Variants in VSTM1 observed in about 807,000 individuals in gnomAD.
VSTM1 encodes V-set and transmembrane domain-containing protein 1.
Under a neutral mutation model 33.1 loss-of-function variants are expected in VSTM1, and 27 were observed. The ratio of observed to expected loss-of-function variants is 0.82; its 90% CI spans 0.60 to 1.12. The LOEUF (loss-of-function observed/expected upper bound fraction) is 1.12, where lower values mean the gene tolerates loss of function less well. Ranked by LOEUF, VSTM1 falls within the 50% of genes most tolerant of loss-of-function variation. VSTM1 has a pLI of 0.00. For synonymous variants in VSTM1, 115 were observed against 110.3 expected, an observed-to-expected ratio of 1.04 and a Z score of -0.27; for missense variants, 304 against 288.9, an observed-to-expected ratio of 1.05 and a Z score of -0.38.
chr19:54,053,835 T>C (rs1212680764), intron 3 of VSTM1, among the ~76,000 whole-genome samples: 1 of 142,546 alleles, frequency 7.0e-6, no homozygotes, highest in African/African-American at 2.6e-5. Flanking sequence ...CCATCTATAA[T>C]GTGTTTTTTA....
intron 4 of VSTM1, 121 bp from the exon 5 acceptor site, chr19:54,042,490 C>G: frequency 2.1e-6 from 3 of 1,405,418 alleles, no homozygotes; most frequent in Non-Finnish European, 2.8e-6. Flanking sequence ...GATCTCCCAC[C>G]TCGGAGCTGG....
At chr19:54,041,242 C>G (rs2070246665) in intron 8 of VSTM1, among the ~76,000 whole-genome samples, 162 bp from the exon 9 acceptor site, 1 of 152,038 alleles carries the variant, frequency 6.6e-6, no homozygotes, top group African/African-American at 2.4e-5. Flanking sequence ...TTTTTATAAC[C>G]CTTTATGCCT....
chr19:54,042,378 G>C lies in VSTM1; in HGVS notation c.395-9C>G. On this transcript the variant is annotated splice_polypyrimidine_tract_variant and intron_variant, in intron 4 of 8. Coordinates refer to ENST00000338372, the MANE Select transcript of VSTM1 (RefSeq NM_198481.4). ...AAAGATGGTTCTGGTGTCTGGAGGGGGAAGAGCAGGTCAGGGAATCAGCCT... is the reference window on the plus strand; with the variant it reads ...AAAGATGGTTCTGGTGTCTGGAGGGCGAAGAGCAGGTCAGGGAATCAGCCT... 6.2e-7 allele frequency: 1 copy of C among 1,612,440 alleles called. No individual in the cohort carries two copies. The highest frequency in any genetic ancestry group is 1.3e-5 in the African/African-American group (1 of 74,970).
At chr19:54,050,144 G>A (rs903034431) in intron 4 of VSTM1, among the ~76,000 whole-genome samples, 3 of 151,356 alleles carry the variant, frequency 2.0e-5, no homozygotes, top group Non-Finnish European at 2.9e-5. Flanking sequence ...GAATACAGGC[G>A]CCCACCACAA....
At chr19:54,046,796 C>T (rs151203330) in intron 4 of VSTM1, among the ~76,000 whole-genome samples, 4 of 152,192 alleles carry the variant, frequency 2.6e-5, no homozygotes, top group Non-Finnish European at 4.4e-5. Context: ...TTCTCTGTCT[C>T]CACTGCTTTC....
intron 1 of VSTM1, among the ~76,000 whole-genome samples, chr19:54,061,089 C>G (rs150319379): frequency 0.016 from 2,319 of 145,190 alleles, 31 homozygotes; most frequent in Non-Finnish European, 0.022. Flanking sequence ...GCTATCTTAG[C>G]TCACTGCAAC....
intron 4 of VSTM1, chr19:54,048,350 A>G: frequency 2.5e-6 from 1 of 393,542 alleles, no homozygotes; most frequent in Non-Finnish European, 5.1e-6. Flanking sequence ...CCCTGGGCTC[A>G]AGTGATCCTC....
chr19:54,050,746 G>A (rs954206207), intron 4 of VSTM1, among the ~76,000 whole-genome samples: 6 of 152,072 alleles, frequency 3.9e-5, no homozygotes, highest in African/African-American at 7.2e-5. Context: ...TTGAGAGGCC[G>A]AGGCGGGGGA....
At chr19:54,052,127 A>G (rs10406122) in intron 3 of VSTM1, among the ~76,000 whole-genome samples, 108,562 of 151,638 alleles carry the variant, frequency 0.72, 39,803 homozygotes, top group Non-Finnish European at 0.8. Context: ...GGCCGGGCGC[A>G]GTGGCTCACG....
chr19:54,063,875 G>T lies in VSTM1; in HGVS notation c.-98C>A. The T allele has an allele frequency of 7.3e-7, 1 of 1,375,746 alleles. No homozygotes were observed. The highest frequency in any genetic ancestry group is 1.0e-6 in the Non-Finnish European group (1 of 1,002,576). 85.2% of individuals were successfully genotyped at this position (1,375,746 alleles called of 1,614,324 possible). On this transcript the variant is annotated 5_prime_UTR_variant, in exon 1 of 9. Coordinates refer to ENST00000338372, the MANE Select transcript of VSTM1 (RefSeq NM_198481.4). Reference sequence around the variant, plus strand: ...CCGCAGCTCTCCGGCTGCCCGGTTCGTCCCCAGGATGTGCAGATAGAGGAG... The same window carrying T: ...CCGCAGCTCTCCGGCTGCCCGGTTCTTCCCCAGGATGTGCAGATAGAGGAG...
rs577577641 is a variant in VSTM1, at chr19:54,052,372, T to C, written c.356-924A>G. Among the ~76,000 whole-genome samples the C allele has an allele frequency of 4.4e-3, 617 of 140,278 alleles. 70 individuals are homozygous for C. The highest frequency in any genetic ancestry group is 0.016 in the African/African-American group (596 of 37,832). 92.0% of individuals were successfully genotyped at this position (140,278 alleles called of 152,430 possible). A position where few individuals can be genotyped will look rare whatever the true frequency, so the allele number is the denominator to read the frequency against. On this transcript the variant is annotated intron_variant, in intron 3 of 8. Transcript: ENST00000338372. ...GAGATCGCGCCACTGCACTCCAGCCTGAGGGACAGAGCCAGACTCCGTCTC... is the reference window on the plus strand; with the variant it reads ...GAGATCGCGCCACTGCACTCCAGCCCGAGGGACAGAGCCAGACTCCGTCTC...
At chr19:54,043,174 C>G (rs767100901) in intron 4 of VSTM1, among the ~76,000 whole-genome samples, 4 of 151,994 alleles carry the variant, frequency 2.6e-5, no homozygotes, top group African/African-American at 4.8e-5. Flanking sequence ...AGATGACCCA[C>G]TGTCATAGGG....
intron 3 of VSTM1, among the ~76,000 whole-genome samples, chr19:54,057,013 G>A (rs1048506147): frequency 1.4e-5 from 2 of 139,708 alleles, no homozygotes; most frequent in South Asian, 2.4e-4. Flanking sequence ...CTGCCACCAC[G>A]CCCAGCTAAT....
In VSTM1 at chr19:54,042,312, A is replaced by AG; in HGVS notation, c.451dup (p.Leu151ProfsTer17). 1 of 1,613,876 alleles carries AG rather than the reference A, an allele frequency of 6.2e-7. No homozygotes were observed. The highest frequency in any genetic ancestry group is 8.5e-7 in the Non-Finnish European group (1 of 1,179,972). On this transcript the variant is annotated frameshift_variant, in exon 5 of 9. Coordinates refer to ENST00000338372, the MANE Select transcript of VSTM1 (RefSeq NM_198481.4). LOFTEE classifies it high-confidence loss of function. ...GCATCTGTAGATGATGAAGACTGAGAGGAAGAGGAGAAGGATGGAGATGCA... is the reference window on the plus strand; with the variant it reads ...GCATCTGTAGATGATGAAGACTGAGAGGGAAGAGGAGAAGGATGGAGATGCA...
chr19:54,056,233 T>C (rs1175249414), intron 3 of VSTM1, among the ~76,000 whole-genome samples: 1 of 110,662 alleles, frequency 9.0e-6, no homozygotes, highest in Non-Finnish European at 1.9e-5. Flanking sequence ...TTTTTTTTTT[T>C]TTTTTTGAGA....
chr19:54,063,779 G>A lies in VSTM1; in HGVS notation c.-2C>T, dbSNP rs1329745023. 6.2e-7 allele frequency: 1 copy of A among 1,613,846 alleles called. No individual in the cohort carries two copies. Among genetic ancestry groups the A allele is most frequent in the Non-Finnish European group, 8.5e-7 (1 of 1,179,920 alleles). ...CAGGGAGAGGAATTCTGCGGTCATA[G>A]CGTCCCTTCTGCCAGAACCAAGGCC... On this transcript the variant is annotated 5_prime_UTR_variant, in exon 1 of 9. Transcript: ENST00000338372.
rs1277216794 is a variant in VSTM1 at position 54,053,980 on chromosome 19, G to A, written c.356-2532C>T. On this transcript the variant is annotated intron_variant, in intron 3 of 8. Transcript: ENST00000338372. The stretch of plus-strand genomic sequence containing the variant: ...ACCAAAGTATCTGAATTTGTAGGGT[G>A]AATGGGCAGCTATTTTTGTGCCAGG... Among the ~76,000 whole-genome samples, 2 of 142,306 alleles carry A rather than the reference G, an allele frequency of 1.4e-5. 1 individual carries two copies. The highest frequency in any genetic ancestry group is 3.1e-5 in the Non-Finnish European group (2 of 64,584). 93.4% of individuals were successfully genotyped at this position (142,306 alleles called of 152,430 possible). A position where few individuals can be genotyped will look rare whatever the true frequency, so the allele number is the denominator to read the frequency against.
intron 4 of VSTM1, among the ~76,000 whole-genome samples, chr19:54,042,806 G>GTATGTATATA (rs2070360842): frequency 1.7e-5 from 1 of 57,938 alleles, no homozygotes; most frequent in Non-Finnish European, 3.2e-5. Context: ...ATATAAATGT[G>GTATGTATATA]TATATATATA....
At chr19:54,062,475 C>T (rs2071440225) in intron 1 of VSTM1, among the ~76,000 whole-genome samples, 1 of 152,070 alleles carries the variant, frequency 6.6e-6, no homozygotes, top group Non-Finnish European at 1.5e-5. Flanking sequence ...GTAATCCCAG[C>T]ACTTTAGGAG....
Sources: gnomAD v4.1 joint callset for allele counts (sites outside exome capture counted in the v4.1 genomes callset) on GRCh38, gnomAD v4.1.1 for gene constraint, MANE v1.5 for transcripts, NCBI Gene and HGNC (gene_info 2026-07-23, HGNC 2026-07-21) for gene names.